The following EHBP1 variants were observed in gnomAD, a reference collection of about 807,000 sequenced individuals.
EHBP1 encodes EH domain binding protein 1.
EHBP1 carries 55 observed loss-of-function variants against 144.0 expected under a neutral mutation model. The ratio of observed to expected loss-of-function variants is 0.38; its 90% CI spans 0.31 to 0.48. The LOEUF (loss-of-function observed/expected upper bound fraction) is 0.48. Ranked by LOEUF, EHBP1 falls within the 20% of genes least tolerant of loss-of-function variation. The pLI is 0.98. For missense variants in EHBP1, 1,200 were observed against 1,364.2 expected, an observed-to-expected ratio of 0.88 and a Z score of 1.90; for synonymous variants, 469 against 472.7, an observed-to-expected ratio of 0.99 and a Z score of 0.10.
chr2:62,810,288 GA>G (rs1439243486), intron 5 of EHBP1, among the ~76,000 whole-genome samples: 9 of 152,198 alleles, frequency 5.9e-5, no homozygotes, highest in Admixed American at 5.2e-4. Context: ...CAGAATCACG[GA>G]AGATGAAACC....
At chr2:62,837,888 A>G (rs1432241397) in intron 7 of EHBP1, among the ~76,000 whole-genome samples, 4 of 148,574 alleles carry the variant, frequency 2.7e-5, no homozygotes, top group African/African-American at 9.9e-5. Flanking sequence ...CACATTAATA[A>G]TGGGAGACTT....
At chr2:62,939,598 G>T (rs1463885868) in intron 10 of EHBP1, among the ~76,000 whole-genome samples, 4 of 152,112 alleles carry the variant, frequency 2.6e-5, no homozygotes. Context: ...GTAGGATGGT[G>T]AGAATAGGCC....
At chr2:62,823,679 T>G (rs2046147367) in intron 5 of EHBP1, among the ~76,000 whole-genome samples, 1 of 152,102 alleles carries the variant, frequency 6.6e-6, no homozygotes, top group African/African-American at 2.4e-5. Flanking sequence ...CCCCATATTT[T>G]CCCTCATTAC....
chr2:62,693,773 C>A (rs1177696629), intron 1 of EHBP1, among the ~76,000 whole-genome samples: 1 of 152,140 alleles, frequency 6.6e-6, no homozygotes, highest in Non-Finnish European at 1.5e-5. Flanking sequence ...TTCTCCCCTC[C>A]CGACTACACT....
intron 7 of EHBP1, among the ~76,000 whole-genome samples, chr2:62,833,668 T>C (rs1182863920): frequency 6.6e-6 from 1 of 152,242 alleles, no homozygotes; most frequent in African/African-American, 2.4e-5. Flanking sequence ...GCGTACCTGG[T>C]TGCCCAAGAG....
At chr2:62,918,147 T>C (rs902974647) in intron 10 of EHBP1, among the ~76,000 whole-genome samples, 1 of 152,210 alleles carries the variant, frequency 6.6e-6, no homozygotes, top group African/African-American at 2.4e-5. Context: ...TCCACCCGCC[T>C]CAGCCTCCCA....
intron 10 of EHBP1, among the ~76,000 whole-genome samples, chr2:62,905,571 T>A (rs966521493): frequency 1.3e-5 from 2 of 152,048 alleles, no homozygotes; most frequent in African/African-American, 4.8e-5. Flanking sequence ...ATACCTATAA[T>A]CCCAGCACTT....
At chr2:62,923,893 GA>G (rs2055290020) in intron 10 of EHBP1, among the ~76,000 whole-genome samples, 1 of 152,172 alleles carries the variant, frequency 6.6e-6, no homozygotes, top group Admixed American at 6.5e-5. Flanking sequence ...TCATGGCCCT[GA>G]GAAGCAACTC....
intron 5 of EHBP1, among the ~76,000 whole-genome samples, chr2:62,803,448 A>AT (rs2044196234): frequency 6.6e-6 from 1 of 152,192 alleles, no homozygotes; most frequent in African/African-American, 2.4e-5. Flanking sequence ...GATGCTAGCT[A>AT]TTACCACATT....
In EHBP1 at chr2:63,045,355, C is replaced by T; in HGVS notation, c.3393-55C>T. On this transcript the variant is annotated intron_variant, in intron 22 of 22. Coordinates refer to ENST00000431489, the MANE Select transcript of EHBP1 (RefSeq NM_001142616.3). This position sits in a 1 kb window ranked among gnomAD's most constrained non-coding sequence, Gnocchi z 5.7. Reference sequence around the variant, plus strand: ...GGCGACGGGGGAGTGCTGCTCTGCCCTCCACGAAGAAAAATAATTTTGTTT... The same window carrying T: ...GGCGACGGGGGAGTGCTGCTCTGCCTTCCACGAAGAAAAATAATTTTGTTT... 2 of 1,555,006 alleles carry T rather than the reference C, an allele frequency of 1.3e-6. No individual in the cohort carries two copies. The highest frequency in any genetic ancestry group is 1.8e-6 in the Non-Finnish European group (2 of 1,127,906).
chr2:62,821,427 G>T (rs1301000200), intron 5 of EHBP1, among the ~76,000 whole-genome samples: 2 of 152,224 alleles, frequency 1.3e-5, no homozygotes, highest in East Asian at 1.9e-4. Flanking sequence ...GGTAGCTCAC[G>T]CCTGTAATCC....
intron 5 of EHBP1, among the ~76,000 whole-genome samples, chr2:62,786,895 A>C (rs2152435161): frequency 6.6e-6 from 1 of 152,320 alleles, no homozygotes; most frequent in East Asian, 1.9e-4. Context: ...TCCTGTCTTC[A>C]AAACTCTAAG....
At chr2:62,825,524 C>T (rs983376935) in intron 5 of EHBP1, among the ~76,000 whole-genome samples, 1 of 146,404 alleles carries the variant, frequency 6.8e-6, no homozygotes, top group Non-Finnish European at 1.5e-5. Flanking sequence ...ATGGGAGAGA[C>T]AACTATGGAC....
chr2:62,725,980 C>G (rs1459706300), intron 2 of EHBP1, among the ~76,000 whole-genome samples: 3 of 151,960 alleles, frequency 2.0e-5, no homozygotes, highest in African/African-American at 7.3e-5. Context: ...GCAGAAGTGG[C>G]CAGGCTAGGA....
At chr2:62,884,379 A>T (rs2051737962) in intron 10 of EHBP1, among the ~76,000 whole-genome samples, 1 of 152,124 alleles carries the variant, frequency 6.6e-6, no homozygotes, top group Non-Finnish European at 1.5e-5. Context: ...ATTTTCTTAA[A>T]ATTTACCCTC....
chr2:62,902,412 CT>C (rs1558884473), intron 10 of EHBP1, among the ~76,000 whole-genome samples: 1 of 151,738 alleles, frequency 6.6e-6, no homozygotes, highest in Non-Finnish European at 1.5e-5. Context: ...TCCAGAATAC[CT>C]CTGTAGGTCT....
chr2:62,990,477 C>T (rs1027452137), intron 15 of EHBP1, among the ~76,000 whole-genome samples: 1 of 152,034 alleles, frequency 6.6e-6, no homozygotes, highest in Admixed American at 6.6e-5. Flanking sequence ...GCATTAGCTA[C>T]TATTTAACTA....
At chr2:63,028,982 A>T (rs1034093851) in intron 19 of EHBP1, among the ~76,000 whole-genome samples, 4 of 152,128 alleles carry the variant, frequency 2.6e-5, no homozygotes, top group Admixed American at 1.3e-4. Flanking sequence ...TCATATTGTA[A>T]TTCTCATTTT....
At chr2:62,967,979 CT>C (rs2058322901) in intron 14 of EHBP1, among the ~76,000 whole-genome samples, 1 of 151,912 alleles carries the variant, frequency 6.6e-6, no homozygotes, top group Non-Finnish European at 1.5e-5. Context: ...TTTGAGCACT[CT>C]TTATAGTATA....
Sources: gnomAD v4.1 joint callset for allele counts (sites outside exome capture counted in the v4.1 genomes callset) on GRCh38, gnomAD v4.1.1 for gene constraint, Gnocchi (gnomAD v3.1) non-coding constraint, MANE v1.5 for transcripts, NCBI Gene and HGNC (gene_info 2026-07-23, HGNC 2026-07-21) for gene names.